Variants in SLC25A13 observed in about 807,000 individuals in gnomAD.
The protein encoded by SLC25A13 is electrogenic aspartate/glutamate antiporter SLC25A13, mitochondrial.
Under a neutral mutation model 85.5 loss-of-function variants are expected in SLC25A13, and 70 were observed. The ratio of observed to expected loss-of-function variants is 0.82; its 90% CI spans 0.68 to 1.00. The LOEUF is 1.00. Among genes scored for constraint, SLC25A13 ranks in the 50% least tolerant of loss-of-function variants. The probability of loss-of-function intolerance (pLI) is 0.00; values close to 1 mark genes in which losing one functional copy is unlikely to be tolerated. For synonymous variants in SLC25A13, 259 were observed against 288.7 expected, an observed-to-expected ratio of 0.90 and a Z score of 1.04; for missense variants, 765 against 819.8, an observed-to-expected ratio of 0.93 and a Z score of 0.82.
At chr7:96,124,603 C>T (rs1791650190) in intron 15 of SLC25A13, among the ~76,000 whole-genome samples, 1 of 152,066 alleles carries the variant, frequency 6.6e-6, no homozygotes, top group Non-Finnish European at 1.5e-5. Context: ...TTGATATTTG[C>T]CTGGTACATA....
intron 1 of SLC25A13, among the ~76,000 whole-genome samples, chr7:96,298,789 T>A (rs1305789131): frequency 6.6e-6 from 1 of 152,110 alleles, no homozygotes. Flanking sequence ...TGCTGTTCAA[T>A]AGAGGAGAAG....
At chr7:96,203,762 C>A (rs527963562) in intron 5 of SLC25A13, among the ~76,000 whole-genome samples, 1 of 152,132 alleles carries the variant, frequency 6.6e-6, no homozygotes, top group South Asian at 2.1e-4. Context: ...AAAACAGTAT[C>A]AAACAAAAAA....
intron 2 of SLC25A13, among the ~76,000 whole-genome samples, chr7:96,280,506 A>C (rs1798632238): frequency 6.6e-6 from 1 of 152,160 alleles, no homozygotes; most frequent in African/African-American, 2.4e-5. Context: ...GCTTGAGCCC[A>C]GGAGTTCAAG....
Position 96,121,318 on chromosome 7 carries a change from G to T in SLC25A13, c.1901C>A (p.Pro634His), listed in dbSNP as rs1384070171. 1 of 1,614,080 alleles carries T rather than the reference G, an allele frequency of 6.2e-7. No homozygotes were observed. Among genetic ancestry groups the T allele is most frequent in the Non-Finnish European group, 8.5e-7 (1 of 1,180,042 alleles). ...KSRINLPAPN[P>H]DHVGGYKLAV... ...CAGTTTGTAGCCCCCAACGTGATCA[G>T]GATTCGGGGCAGGCAGGTTGATCCT... The change falls in exon 18 of 18, where the codon CCT becomes CAT. Residue 634 changes from proline to histidine, a missense_variant. Physicochemically the swap from Pro to His is moderately conservative, Grantham distance 77 (BLOSUM62 -2). Transcript: ENST00000265631.
chr7:96,127,509 A>G (rs1203076399), intron 15 of SLC25A13, among the ~76,000 whole-genome samples: 5 of 152,244 alleles, frequency 3.3e-5, no homozygotes, highest in African/African-American at 1.2e-4. Flanking sequence ...CTTTTGCTAA[A>G]AAGCTACATA....
At chr7:96,168,489 A>C (rs561252782) in intron 13 of SLC25A13, among the ~76,000 whole-genome samples, 1 of 152,294 alleles carries the variant, frequency 6.6e-6, no homozygotes, top group East Asian at 1.9e-4. Context: ...TTTGTGTTTG[A>C]AATGGGCGGC....
intron 11 of SLC25A13, among the ~76,000 whole-genome samples, chr7:96,175,826 C>T (rs1458069354): frequency 6.6e-6 from 1 of 152,164 alleles, no homozygotes; most frequent in Non-Finnish European, 1.5e-5. Flanking sequence ...ATTAGAGGCC[C>T]CGAGCTTCCT....
chr7:96,134,500 G>C (rs999332204), intron 14 of SLC25A13, among the ~76,000 whole-genome samples: 1 of 152,078 alleles, frequency 6.6e-6, no homozygotes, highest in Non-Finnish European at 1.5e-5. Context: ...GCTTCAGTAT[G>C]ATCAGAAGGC....
At chr7:96,313,860 A>G (rs946056456) in intron 1 of SLC25A13, among the ~76,000 whole-genome samples, 7 of 152,212 alleles carry the variant, frequency 4.6e-5, no homozygotes, top group African/African-American at 1.7e-4. Context: ...GATTTTTGCT[A>G]AAGTAATGCT....
chr7:96,271,879 ATTTAT>A (rs945215244), intron 3 of SLC25A13, among the ~76,000 whole-genome samples: 1 of 151,564 alleles, frequency 6.6e-6, no homozygotes, highest in Non-Finnish European at 1.5e-5. Flanking sequence ...ATTTTATTTT[ATTTAT>A]TTTATTTTAT....
intron 11 of SLC25A13, among the ~76,000 whole-genome samples, chr7:96,178,643 C>G (rs1398552658): frequency 6.6e-6 from 1 of 152,128 alleles, no homozygotes; most frequent in Non-Finnish European, 1.5e-5. Context: ...CCCCGAGAAA[C>G]CCCTTTGCTT....
At chr7:96,126,166 A>T (rs1791718648) in intron 15 of SLC25A13, among the ~76,000 whole-genome samples, 1 of 152,100 alleles carries the variant, frequency 6.6e-6, no homozygotes, top group Admixed American at 6.6e-5. Flanking sequence ...CCTGAATGGG[A>T]GGGTCTATGG....
At chr7:96,271,193 C>A (rs1018721290) in intron 3 of SLC25A13, among the ~76,000 whole-genome samples, 2 of 152,154 alleles carry the variant, frequency 1.3e-5, no homozygotes, top group African/African-American at 4.8e-5. Context: ...ATTCAAAATA[C>A]AGCTTCTATT....
At chr7:96,262,262 T>C (rs1797880982) in intron 3 of SLC25A13, among the ~76,000 whole-genome samples, 1 of 152,184 alleles carries the variant, frequency 6.6e-6, no homozygotes, top group African/African-American at 2.4e-5. Context: ...ACAGTCTAGA[T>C]CAAGCAAATC....
At chr7:96,157,253 C>T (rs933033752) in intron 13 of SLC25A13, among the ~76,000 whole-genome samples, 1 of 152,048 alleles carries the variant, frequency 6.6e-6, no homozygotes, top group Non-Finnish European at 1.5e-5. Context: ...ATGGTCCTCA[C>T]GGCTCACAGT....
intron 13 of SLC25A13, among the ~76,000 whole-genome samples, chr7:96,153,162 G>A (rs1055593775): frequency 6.6e-6 from 1 of 152,170 alleles, no homozygotes; most frequent in Non-Finnish European, 1.5e-5. Context: ...ATACAGAGTT[G>A]GGGGATAAAT....
At position 96,170,072 on chromosome 7, in the gene SLC25A13, A is replaced by G; in HGVS notation, c.1284T>C (p.Leu428=). 1 of 1,614,214 alleles carries G rather than the reference A, an allele frequency of 6.2e-7. No individual in the cohort carries two copies. The highest frequency in any genetic ancestry group is 8.5e-7 in the Non-Finnish European group (1 of 1,180,028). ...KFMHKDGSVP[L]AAEILAGGCA... ...AGCCTCCAGCAAGAATTTCTGCTGCAAGTGGGACCGAACCATCTTTGTGCA... is the reference window on the plus strand; with the variant it reads ...AGCCTCCAGCAAGAATTTCTGCTGCGAGTGGGACCGAACCATCTTTGTGCA... Residue 428 remains leucine, a synonymous_variant, in exon 13 of 18, where the codon CTT becomes CTC. Transcript: ENST00000265631.
intron 11 of SLC25A13, among the ~76,000 whole-genome samples, chr7:96,183,935 T>C (rs1794518376): frequency 6.6e-6 from 1 of 152,228 alleles, no homozygotes; most frequent in Non-Finnish European, 1.5e-5. Flanking sequence ...GGCTTTGTCC[T>C]GGTGGCAGAA....
intron 12 of SLC25A13, among the ~76,000 whole-genome samples, chr7:96,170,661 T>C (rs1793955535): frequency 6.6e-6 from 1 of 152,174 alleles, no homozygotes; most frequent in African/African-American, 2.4e-5. Context: ...CAAAATGGTA[T>C]GTAGTACAAG....
Sources: gnomAD v4.1 joint callset for allele counts (sites outside exome capture counted in the v4.1 genomes callset) on GRCh38, gnomAD v4.1.1 for gene constraint, MANE v1.5 for transcripts, NCBI Gene and HGNC (gene_info 2026-07-23, HGNC 2026-07-21) for gene names.